Variants in RASA2 observed in about 807,000 individuals in gnomAD.
The protein encoded by RASA2 is RAS p21 protein activator 2.
A neutral mutation model predicts 118.2 loss-of-function variants in RASA2; 155 were observed. The ratio of observed to expected loss-of-function variants is 1.31; its 90% CI spans 1.15 to 1.50. RASA2 has a LOEUF of 1.50. Among genes scored for constraint, RASA2 ranks in the 40% most tolerant of loss-of-function variants. The pLI, the probability that RASA2 is intolerant of heterozygous loss-of-function variation, is 0.00. For synonymous variants in RASA2, 353 were observed against 349.1 expected, an observed-to-expected ratio of 1.01 and a Z score of -0.12; for missense variants, 1,016 against 1,009.6, an observed-to-expected ratio of 1.01 and a Z score of -0.09.
At chr3:141,607,293 T>C (rs1243410709) in intron 19 of RASA2, among the ~76,000 whole-genome samples, 3 of 152,134 alleles carry the variant, frequency 2.0e-5, no homozygotes, top group African/African-American at 7.2e-5. Flanking sequence ...ACTGCTTACA[T>C]AGTAACTCCT....
At chr3:141,513,801 A>G (rs952819366) in intron 2 of RASA2, among the ~76,000 whole-genome samples, 2 of 152,230 alleles carry the variant, frequency 1.3e-5, no homozygotes, top group Non-Finnish European at 2.9e-5. Context: ...TTTAGTTATG[A>G]CATCATAAAG....
chr3:141,599,561 A>G (rs912506221), intron 19 of RASA2, among the ~76,000 whole-genome samples: 1 of 152,190 alleles, frequency 6.6e-6, no homozygotes, highest in Non-Finnish European at 1.5e-5. Context: ...TGCTACTTCT[A>G]TTACATAGTA....
In RASA2 at chr3:141,576,985, A is replaced by G. The variant is rs372302410; in HGVS notation, c.1484-15A>G. ...TTGTTTTTGTGCATGACATTTCACC[A>G]TTTTTTTCCTGCAGATGACCCTCAT... On this transcript the variant is annotated splice_polypyrimidine_tract_variant and intron_variant, in intron 14 of 23. Coordinates refer to ENST00000286364, the MANE Select transcript of RASA2 (RefSeq NM_006506.5). 5 of 1,526,458 alleles carry G rather than the reference A, an allele frequency of 3.3e-6. No individual in the cohort carries two copies. The highest frequency in any genetic ancestry group is 4.5e-6 in the Non-Finnish European group (5 of 1,122,210). 94.6% of individuals were successfully genotyped at this position (1,526,458 alleles called of 1,614,324 possible).
chr3:141,603,653 T>C (rs1442635072), intron 19 of RASA2, among the ~76,000 whole-genome samples: 3 of 152,212 alleles, frequency 2.0e-5, no homozygotes, highest in Non-Finnish European at 4.4e-5. Flanking sequence ...TGATTGGTTT[T>C]CAAGATATTC....
Position 141,581,021 on chromosome 3 carries a change from C to G in RASA2, c.1675-79C>G, listed in dbSNP as rs1232463983. 6.5e-6 allele frequency: 9 copies of G among 1,375,070 alleles called. No homozygotes were observed. In the East Asian group the frequency reaches 2.4e-4, roughly 37 times the overall value. The allele number at this position is 1,375,070 out of a possible 1,614,324, so 85.2% of individuals were successfully genotyped here. A position where few individuals can be genotyped will look rare whatever the true frequency, so the allele number is the denominator to read the frequency against. ...TAATTGAGTCCTTTTAGGCCTTAATCCTCAGCTTAAAAATACAGTCCATTC... is the reference window on the plus strand; with the variant it reads ...TAATTGAGTCCTTTTAGGCCTTAATGCTCAGCTTAAAAATACAGTCCATTC... On this transcript the variant is annotated intron_variant, in intron 16 of 23. Coordinates refer to ENST00000286364, the MANE Select transcript of RASA2 (RefSeq NM_006506.5).
chr3:141,495,764 T>C (rs565085615), intron 1 of RASA2, among the ~76,000 whole-genome samples: 3 of 152,324 alleles, frequency 2.0e-5, no homozygotes, highest in South Asian at 4.1e-4. Flanking sequence ...TACAAAGATA[T>C]TCAATGTTGC....
chr3:141,591,012 G>A (rs986757990), intron 19 of RASA2, among the ~76,000 whole-genome samples: 1 of 152,156 alleles, frequency 6.6e-6, no homozygotes, highest in African/African-American at 2.4e-5. Flanking sequence ...ATTACCTTGA[G>A]AGATTTTTAT....
chr3:141,512,211 A>G lies in RASA2; in HGVS notation c.182A>G (p.Asp61Gly), dbSNP rs2081962202. Residue 61 changes from aspartate to glycine, a missense_variant, in exon 2 of 24, where the codon GAT (aspartate) becomes GGT (glycine). Asp to Gly is a moderately conservative substitution (Grantham distance 94). Around this residue, in one of 2 missense-constraint regions of RASA2, gnomAD observed 896 missense variants for 836.4 expected, o/e 1.07. Transcript: ENST00000286364. ...TATCTTGGACCCCACAAAATGAGAG[A>G]TTGTTTCTGTACCATAAATTTGGAC... ...LPYLGPHKMR[D>G]CFCTINLDQE... 1.2e-6 allele frequency: 2 copies of G among 1,605,848 alleles called. No individual in the cohort carries two copies. The highest frequency in any genetic ancestry group is 1.7e-6 in the Non-Finnish European group (2 of 1,177,942).
At chr3:141,607,362 A>G (rs2083564047) in intron 19 of RASA2, among the ~76,000 whole-genome samples, 2 of 152,094 alleles carry the variant, frequency 1.3e-5, no homozygotes, top group African/African-American at 4.8e-5. Flanking sequence ...TGCTGAGTCT[A>G]TTTTTTCAGT....
chr3:141,551,985 A>C (rs2082581885), intron 5 of RASA2, among the ~76,000 whole-genome samples: 1 of 152,154 alleles, frequency 6.6e-6, no homozygotes, highest in South Asian at 2.1e-4. Flanking sequence ...TATGCTAGGT[A>C]ATTAGAAAAA....
chr3:141,551,831 T>G (rs998013842), intron 5 of RASA2, among the ~76,000 whole-genome samples: 4 of 152,186 alleles, frequency 2.6e-5, no homozygotes, highest in African/African-American at 9.6e-5. Flanking sequence ...TTTGTAAATT[T>G]TAGATACTAT....
intron 1 of RASA2, among the ~76,000 whole-genome samples, chr3:141,492,856 G>T (rs949869454): frequency 6.6e-6 from 1 of 152,282 alleles, no homozygotes; most frequent in Non-Finnish European, 1.5e-5. Context: ...ATATCGAAGG[G>T]TCTGTTAAGA....
intron 23 of RASA2, among the ~76,000 whole-genome samples, chr3:141,611,050 G>T (rs1194431010): frequency 6.6e-6 from 1 of 152,108 alleles, no homozygotes; most frequent in Non-Finnish European, 1.5e-5. Flanking sequence ...CTCCAGCAAG[G>T]GGCACTGTGC....
At chr3:141,522,883 T>G (rs2082131739) in intron 3 of RASA2, among the ~76,000 whole-genome samples, 1 of 152,100 alleles carries the variant, frequency 6.6e-6, no homozygotes, top group Admixed American at 6.5e-5. Context: ...TCAGGATGTT[T>G]CTGGTAGTTT....
chr3:141,602,746 A>G (rs759041922), intron 19 of RASA2, among the ~76,000 whole-genome samples: 3 of 152,228 alleles, frequency 2.0e-5, no homozygotes, highest in Non-Finnish European at 4.4e-5. Flanking sequence ...TTGAGCAGGC[A>G]GCTCAAATAC....
At position 141,504,035 on chromosome 3, in the gene RASA2, C is replaced by T. The variant is rs958874956; in HGVS notation, c.134-8128C>T. Among the ~76,000 whole-genome samples the T allele has an allele frequency of 2.6e-5, 4 of 152,226 alleles. No individual in the cohort carries two copies. The South Asian group carries it at 8.3e-4, about 31-fold the overall frequency. On this transcript the variant is annotated intron_variant, in intron 1 of 23. Coordinates refer to ENST00000286364, the MANE Select transcript of RASA2 (RefSeq NM_006506.5). ...TTTGCCCATGCCAAAGTTATATACA[C>T]ACGCATTGATACTTATTCAGCAGCT...
chr3:141,565,070 C>G (rs1168548020), intron 9 of RASA2, among the ~76,000 whole-genome samples: 2 of 152,138 alleles, frequency 1.3e-5, no homozygotes, highest in Non-Finnish European at 2.9e-5. Flanking sequence ...AGTGCAACCT[C>G]CACCTCCTGG....
At chr3:141,518,305 T>C (rs1178665474) in intron 3 of RASA2, among the ~76,000 whole-genome samples, 2 of 150,680 alleles carry the variant, frequency 1.3e-5, no homozygotes, top group East Asian at 4.0e-4. Context: ...GCCAATGTGG[T>C]GAAACTGTCT....
At chr3:141,601,891 T>A (rs979742700) in intron 19 of RASA2, among the ~76,000 whole-genome samples, 4 of 152,226 alleles carry the variant, frequency 2.6e-5, no homozygotes, top group African/African-American at 9.7e-5. Context: ...ATCAGATCAT[T>A]TTTACTTAAG....
Sources: gnomAD v4.1 joint callset for allele counts (sites outside exome capture counted in the v4.1 genomes callset) on GRCh38, gnomAD v4.1.1 for gene constraint, gnomAD v4.1.1 regional missense constraint, MANE v1.5 for transcripts, NCBI Gene and HGNC (gene_info 2026-07-23, HGNC 2026-07-21) for gene names.